SMC3: variants seen among roughly 807,000 people sequenced by gnomAD.
SMC3 encodes the protein structural maintenance of chromosomes protein 3.
Under a neutral mutation model 171.8 loss-of-function variants are expected in SMC3, and 20 were observed. That is an observed-to-expected ratio of 0.12 (90% CI 0.08 to 0.17). The LOEUF is 0.17. Ranked by LOEUF, SMC3 falls within the 10% of genes least tolerant of loss-of-function variation. The pLI is 1.00. For synonymous variants in SMC3, 464 were observed against 451.1 expected (o/e 1.03, Z -0.36); for missense variants, 543 against 1,420.4 (o/e 0.38, Z 9.93).
intron 13 of SMC3, among the ~76,000 whole-genome samples, chr10:110,588,871 T>A (rs1861164213): frequency 2.0e-5 from 3 of 152,184 alleles, no homozygotes; most frequent in Admixed American, 1.3e-4. Flanking sequence ...GAAAATAGTT[T>A]TTGTGTTCTG....
rs1206146242 is a variant in SMC3, at chr10:110,583,758, G to A, written c.970-83G>A. ...TGTTACAGGTGGGTTTTCTCATGAA[G>A]TTTTTTTCCTGAGAAAACATTTATG... is the stretch of plus-strand genomic sequence containing the variant. On this transcript the variant is annotated intron_variant, in intron 11 of 28. Transcript: ENST00000361804. 13 of 1,502,372 alleles carry A rather than the reference G, an allele frequency of 8.7e-6. No homozygotes were observed. The Middle Eastern group carries it at 1.6e-3, about 182-fold the overall frequency. The allele number at this position is 1,502,372 out of a possible 1,614,324, so 93.1% of individuals were successfully genotyped here. A position where few individuals can be genotyped will look rare whatever the true frequency, so the allele number is the denominator to read the frequency against.
intron 19 of SMC3, among the ~76,000 whole-genome samples, chr10:110,597,554 G>T (rs184860925): frequency 2.6e-5 from 4 of 152,296 alleles, no homozygotes; most frequent in Non-Finnish European, 4.4e-5. Flanking sequence ...CACAGAAAAA[G>T]AAAAATAAGC....
In SMC3 at chr10:110,603,248, T is replaced by G; in HGVS notation, c.3540T>G (p.Leu1180=). ...CAACTACTTTTAGGCCTGAACTGCT[T>G]GAGTCAGCTGACAAATTCTATGGTG... The part of the protein sequence containing the change: ...FITTTFRPEL[L]ESADKFYGVK... Residue 1180 remains leucine, a synonymous_variant, in exon 28 of 29, where the codon CTT becomes CTG. Coordinates refer to ENST00000361804, the MANE Select transcript of SMC3 (RefSeq NM_005445.4). 1 of 1,608,366 alleles carries G rather than the reference T, an allele frequency of 6.2e-7. No individual in the cohort carries two copies. Among genetic ancestry groups the G allele is most frequent in the Non-Finnish European group, 8.5e-7 (1 of 1,176,594 alleles).
chr10:110,598,326 T>TA (rs1480002848), intron 20 of SMC3, 36 bp downstream of exon 20: 2 of 1,573,720 alleles, frequency 1.3e-6, no homozygotes, highest in Non-Finnish European at 1.7e-6. Context: ...GATCGATTGT[T>TA]ACAGATTAAT....
rs1861069378 is a variant in SMC3 at position 110,583,962 on chromosome 10, G to T, written c.1091G>T (p.Arg364Ile). Residue 364 changes from arginine to isoleucine, a missense_variant and splice_region_variant, in exon 12 of 29, where the codon AGA becomes ATA. By Grantham distance (97) the Arg-to-Ile change is moderately conservative. Coordinates refer to ENST00000361804, the MANE Select transcript of SMC3 (RefSeq NM_005445.4). ...GAGAAAGAAGAACGAGGAATTGCTA[G>T]GTCTGAGAACTTTCACCAACACTTT... ...VKEKEERGIA[R>I]LAQATQERTD... The T allele has an allele frequency of 6.2e-7, 1 of 1,612,860 alleles. No individual in the cohort carries two copies.
At chr10:110,595,387 T>G (rs1290825372) in intron 18 of SMC3, among the ~76,000 whole-genome samples, 1 of 152,204 alleles carries the variant, frequency 6.6e-6, no homozygotes, top group Non-Finnish European at 1.5e-5. Context: ...CATCATTGTT[T>G]AAATATTGTT....
intron 18 of SMC3, 91 bp from the exon 19 acceptor site, chr10:110,596,307 T>C: frequency 7.9e-7 from 1 of 1,262,616 alleles, no homozygotes; most frequent in Non-Finnish European, 1.1e-6. Flanking sequence ...CATTATCTAC[T>C]TAAAGCCTGT....
chr10:110,599,460 C>T (rs891346520), intron 20 of SMC3, among the ~76,000 whole-genome samples, 194 bp from the exon 21 acceptor site: 3 of 118,854 alleles, frequency 2.5e-5, no homozygotes, highest in Non-Finnish European at 5.5e-5. Context: ...TGATCTGCCC[C>T]ACCCTGCCCC....
intron 13 of SMC3, among the ~76,000 whole-genome samples, chr10:110,585,469 T>C (rs965287206): frequency 6.6e-6 from 1 of 151,204 alleles, no homozygotes; most frequent in Non-Finnish European, 1.5e-5. Flanking sequence ...TTTTGTATTT[T>C]TAGTAGAGGT....
chr10:110,584,661 T>C (rs1163101465), intron 13 of SMC3, among the ~76,000 whole-genome samples: 1 of 152,250 alleles, frequency 6.6e-6, no homozygotes, highest in African/African-American at 2.4e-5. Context: ...GGTCTTGTTC[T>C]GTCACCCAAT....
At position 110,602,860 on chromosome 10, in the gene SMC3, A is replaced by G. The variant is rs767752465; in HGVS notation, c.3333A>G (p.Glu1111=). 1 of 1,614,098 alleles carries G rather than the reference A, an allele frequency of 6.2e-7. No individual in the cohort carries two copies. The highest frequency in any genetic ancestry group is 8.5e-7 in the Non-Finnish European group (1 of 1,179,982). ...CAGGAAAACAAGGTGAAATGAGAGAAATGCAACAGCTTTCAGGTGGACAGA... is the reference window on the plus strand; with the variant it reads ...CAGGAAAACAAGGTGAAATGAGAGAGATGCAACAGCTTTCAGGTGGACAGA... ...SFTGKQGEMR[E]MQQLSGGQKS... The change falls in exon 27 of 29, where the codon GAA becomes GAG. Residue 1111 remains glutamate (E), a synonymous_variant. Coordinates refer to ENST00000361804, the MANE Select transcript of SMC3 (RefSeq NM_005445.4).
chr10:110,594,181 A>AT (rs1010063955), intron 18 of SMC3, among the ~76,000 whole-genome samples: 8 of 146,704 alleles, frequency 5.5e-5, no homozygotes, highest in East Asian at 4.0e-4. Flanking sequence ...ATCCTTCACA[A>AT]TTTTTTTTTT....
At chr10:110,604,196 TTAAC>T in intron 28 of SMC3, 31 bp from the exon 29 acceptor site, 1 of 1,370,074 alleles carries the variant, frequency 7.3e-7, no homozygotes, top group Non-Finnish European at 1.0e-6. Context: ...ACTGATGTAA[TTAAC>T]AGATTTTTGT....
intron 18 of SMC3, among the ~76,000 whole-genome samples, chr10:110,594,113 G>A (rs1053747187): frequency 6.6e-6 from 1 of 152,112 alleles, no homozygotes; most frequent in Non-Finnish European, 1.5e-5. Flanking sequence ...TGATCATATA[G>A]CAGGGGTTCT....
chr10:110,576,412 C>T (rs965588882), intron 4 of SMC3, among the ~76,000 whole-genome samples: 1 of 152,142 alleles, frequency 6.6e-6, no homozygotes, highest in Non-Finnish European at 1.5e-5. Flanking sequence ...TCATGTGAGT[C>T]ATGCCTCCCT....
At chr10:110,592,034 T>C (rs1861213213) in intron 17 of SMC3, among the ~76,000 whole-genome samples, 1 of 151,422 alleles carries the variant, frequency 6.6e-6, no homozygotes, top group African/African-American at 2.4e-5. Context: ...GAGGGGGAGG[T>C]GGGCGGATCA....
At chr10:110,573,959 G>A (rs547219193) in intron 3 of SMC3, among the ~76,000 whole-genome samples, 3 of 152,216 alleles carry the variant, frequency 2.0e-5, no homozygotes, top group Non-Finnish European at 2.9e-5. Flanking sequence ...GGCAAAACAC[G>A]TAGCCTCTCA....
chr10:110,602,212 A>T (rs1421112691), intron 25 of SMC3, 34 bp downstream of exon 25: 9 of 1,535,826 alleles, frequency 5.9e-6, no homozygotes, highest in Non-Finnish European at 8.1e-6. Flanking sequence ...ACATACACAC[A>T]GAGGACAAAA....
intron 13 of SMC3, among the ~76,000 whole-genome samples, chr10:110,587,458 G>C (rs1861139008): frequency 6.6e-6 from 1 of 152,160 alleles, no homozygotes; most frequent in East Asian, 1.9e-4. Context: ...GAGGTGGACG[G>C]ATCACGAGGT....
Sources: gnomAD v4.1 joint callset for allele counts (sites outside exome capture counted in the v4.1 genomes callset) on GRCh38, gnomAD v4.1.1 for gene constraint, MANE v1.5 for transcripts, NCBI Gene and HGNC (gene_info 2026-07-23, HGNC 2026-07-21) for gene names.